Variants in CNOT7 observed in about 807,000 individuals in gnomAD.
The protein encoded by CNOT7 is CCR4-NOT transcription complex subunit 7.
In CNOT7, 4 loss-of-function variants were observed where a neutral mutation model predicts 37.1. The ratio of observed to expected loss-of-function variants is 0.11; its 90% CI spans 0.05 to 0.25. The LOEUF is 0.25. Among genes scored for constraint, CNOT7 ranks in the 10% least tolerant of loss-of-function variants. The probability of loss-of-function intolerance (pLI) is 1.00; values close to 1 mark genes in which losing one functional copy is unlikely to be tolerated. For missense variants in CNOT7, 170 were observed against 336.2 expected (o/e 0.51, Z 3.87); for synonymous variants, 128 against 115.6 (o/e 1.11, Z -0.69).
At chr8:17,243,254 T>C in intron 2 of CNOT7, 69 bp from the exon 3 acceptor site, 1 of 1,243,472 alleles carries the variant, frequency 8.0e-7, no homozygotes, top group Non-Finnish European at 1.1e-6. Context: ...TTTTTAATTT[T>C]TGATGCAAAT....
rs983222432 is a variant in CNOT7 at position 17,228,374 on chromosome 8, T to C, written c.*2346A>G. ...TGGAACAAAATAAAAAAGTAAAACT[T>C]AGACCCAGTAAAAGTCAAAATGTTC... is the stretch of plus-strand genomic sequence containing the variant. On this transcript the variant is annotated 3_prime_UTR_variant, in exon 7 of 7. Coordinates refer to ENST00000361272, the MANE Select transcript of CNOT7 (RefSeq NM_013354.7). 4 of 151,902 alleles carry C rather than the reference T, an allele frequency of 2.6e-5. No individual in the cohort carries two copies. Among genetic ancestry groups the C allele is most frequent in the Non-Finnish European group, 5.9e-5 (4 of 67,830 alleles). 9.4% of individuals were successfully genotyped at this position (151,902 alleles called of 1,614,324 possible). A position where few individuals can be genotyped will look rare whatever the true frequency, so the allele number is the denominator to read the frequency against.
intron 3 of CNOT7, among the ~76,000 whole-genome samples, chr8:17,238,954 C>G (rs371319757): frequency 6.6e-6 from 1 of 152,204 alleles, no homozygotes; most frequent in South Asian, 2.1e-4. Flanking sequence ...AAGGACTTGT[C>G]AAGTGCCTAT....
chr8:17,233,216 T>G (rs938873015), intron 5 of CNOT7, among the ~76,000 whole-genome samples: 2 of 151,996 alleles, frequency 1.3e-5, no homozygotes, highest in African/African-American at 4.8e-5. Flanking sequence ...GAGGGGAGAA[T>G]AAGTAGAGCG....
rs966396436 is a variant in CNOT7, at chr8:17,230,106, C to G, written c.*614G>C. 5 of 152,526 alleles carry G rather than the reference C, an allele frequency of 3.3e-5. No individual in the cohort carries two copies. The highest frequency in any genetic ancestry group is 1.2e-4 in the African/African-American group (5 of 41,440). The allele number at this position is 152,526 out of a possible 1,614,324, so 9.4% of individuals were successfully genotyped here. ...ACACTACGTACAGAAACAGCAGTTA[C>G]TAAGCTCCTCAGTAGTTTCTTGTCT... On this transcript the variant is annotated 3_prime_UTR_variant, in exon 7 of 7. Transcript: ENST00000361272.
chr8:17,231,931 G>T (rs1808684509), intron 6 of CNOT7: 24 of 987,304 alleles, frequency 2.4e-5, no homozygotes, highest in Non-Finnish European at 2.8e-5. Flanking sequence ...AAAAGAGCCT[G>T]AGTTCTTCTC....
At chr8:17,237,601 A>G (rs1202571736) in intron 3 of CNOT7, 1 of 453,586 alleles carries the variant, frequency 2.2e-6, no homozygotes, top group Non-Finnish European at 3.9e-6. Flanking sequence ...CCAAAGGTGC[A>G]ATTTTAATCT....
intron 3 of CNOT7, among the ~76,000 whole-genome samples, chr8:17,239,952 A>G (rs1329584885): frequency 1.3e-5 from 2 of 152,230 alleles, no homozygotes; most frequent in Non-Finnish European, 2.9e-5. Context: ...CATACGTTAC[A>G]ATTGTAATTC....
At chr8:17,240,052 A>G (rs1344208345) in intron 3 of CNOT7, among the ~76,000 whole-genome samples, 6 of 152,230 alleles carry the variant, frequency 3.9e-5, no homozygotes, top group Non-Finnish European at 8.8e-5. Flanking sequence ...CTAAATCCCT[A>G]GTGTCTAGCA....
Position 17,245,117 on chromosome 8 carries a change from A to T in CNOT7, c.36T>A (p.Ile12=). Residue 12 remains isoleucine (I), a synonymous_variant, in exon 2 of 7, where the codon ATT becomes ATA. Transcript: ENST00000361272. ...PAATVDHSQR[I]CEVWACNLDE... ...CCAAGTTGCAAGCCCAAACTTCACA[A>T]ATTCTTTGGCTATGATCTACAGTTG... 1 of 1,613,692 alleles carries T rather than the reference A, an allele frequency of 6.2e-7. No individual in the cohort carries two copies. The highest frequency in any genetic ancestry group is 1.1e-5 in the South Asian group (1 of 91,062).
intron 2 of CNOT7, chr8:17,244,698 C>A: frequency 5.4e-6 from 1 of 185,138 alleles, no homozygotes; most frequent in Non-Finnish European, 1.1e-5. Flanking sequence ...ATTACCCCAG[C>A]TTCCCGAACA....
Position 17,230,542 on chromosome 8 carries a change from C to G in CNOT7, c.*178G>C. ...TTAACCTGAATGCGTTTTTTTTTTT[C>G]TTTTTATTAAGATCTGAGATAGGAA... On this transcript the variant is annotated 3_prime_UTR_variant, in exon 7 of 7. Transcript: ENST00000361272. 14 of 329,118 alleles carry G rather than the reference C, an allele frequency of 4.3e-5. No individual in the cohort carries two copies. Among genetic ancestry groups the G allele is most frequent in the Admixed American group, 5.2e-5 (1 of 19,352 alleles). 20.4% of individuals were successfully genotyped at this position (329,118 alleles called of 1,614,324 possible). A position where few individuals can be genotyped will look rare whatever the true frequency, so the allele number is the denominator to read the frequency against.
intron 4 of CNOT7, among the ~76,000 whole-genome samples, chr8:17,236,752 T>C (rs945353441): frequency 2.2e-4 from 34 of 152,336 alleles, no homozygotes; most frequent in African/African-American, 7.7e-4. Flanking sequence ...ATAAACTCCA[T>C]GAGGAAAATA....
At chr8:17,237,462 G>A in intron 3 of CNOT7, 89 bp from the exon 4 acceptor site, 1 of 1,232,090 alleles carries the variant, frequency 8.1e-7, no homozygotes, top group Non-Finnish European at 1.2e-6. Flanking sequence ...TACAGTGCCA[G>A]AAAAGAGACA....
Position 17,230,605 on chromosome 8 carries a change from G to T in CNOT7, c.*115C>A. 1.3e-6 allele frequency: 1 copy of T among 744,508 alleles called. No homozygotes were observed. Among genetic ancestry groups the T allele is most frequent in the Non-Finnish European group, 2.0e-6 (1 of 488,552 alleles). 46.1% of individuals were successfully genotyped at this position (744,508 alleles called of 1,614,324 possible). On this transcript the variant is annotated 3_prime_UTR_variant, in exon 7 of 7. Coordinates refer to ENST00000361272, the MANE Select transcript of CNOT7 (RefSeq NM_013354.7). ...GTACTGAAAGGCAGACAATAAAATG[G>T]GCCATGAAAGGGGGGGGAAAGGTAC... is the stretch of plus-strand genomic sequence containing the variant.
intron 2 of CNOT7, chr8:17,243,431 C>G (rs1810462537): frequency 1.6e-6 from 1 of 619,582 alleles, no homozygotes; most frequent in Non-Finnish European, 3.0e-6. Context: ...TAAATTTAAC[C>G]AAATACTTAC....
chr8:17,233,068 G>C (rs907384014), intron 5 of CNOT7, among the ~76,000 whole-genome samples: 2 of 152,084 alleles, frequency 1.3e-5, no homozygotes, highest in Non-Finnish European at 2.9e-5. Flanking sequence ...ACTCCTTAGA[G>C]TGGTCTGCTA....
chr8:17,233,140 A>C (rs748311892), intron 5 of CNOT7, among the ~76,000 whole-genome samples: 26 of 152,014 alleles, frequency 1.7e-4, no homozygotes, highest in Non-Finnish European at 3.1e-4. Flanking sequence ...AAAGAGTGGA[A>C]AGAAAGAAAG....
Position 17,227,156 on chromosome 8 carries a change from A to AACTT in CNOT7, c.*3560_*3563dup, listed in dbSNP as rs1259018488. 3 of 151,994 alleles carry AACTT rather than the reference A, an allele frequency of 2.0e-5. No individual in the cohort carries two copies. The highest frequency in any genetic ancestry group is 4.8e-5 in the African/African-American group (2 of 41,528). The allele number at this position is 151,994 out of a possible 1,614,324, so 9.4% of individuals were successfully genotyped here. A position where few individuals can be genotyped will look rare whatever the true frequency, so the allele number is the denominator to read the frequency against. ...AAGTGAGTAACTACAGGCTTTAAAC[A>AACTT]ACTTACGTTTTCACAAGCCTTAAAA... On this transcript the variant is annotated 3_prime_UTR_variant, in exon 7 of 7. Coordinates refer to ENST00000361272, the MANE Select transcript of CNOT7 (RefSeq NM_013354.7).
intron 3 of CNOT7, among the ~76,000 whole-genome samples, chr8:17,239,263 T>C (rs1422179079): frequency 6.6e-6 from 1 of 152,102 alleles, no homozygotes; most frequent in African/African-American, 2.4e-5. Flanking sequence ...TTGCCCGAAC[T>C]GGTCTTAAAC....
Sources: allele counts gnomAD v4.1 joint callset (sites outside exome capture counted in the v4.1 genomes callset), GRCh38; gene constraint gnomAD v4.1.1; transcripts MANE v1.5; gene names NCBI Gene and HGNC (gene_info 2026-07-23, HGNC 2026-07-21).